The following FAM13C variants were observed in gnomAD, a reference collection of about 807,000 sequenced individuals.
The protein encoded by FAM13C is family with sequence similarity 13 member C.
A neutral mutation model predicts 73.2 loss-of-function variants in FAM13C; 37 were observed. That is an observed-to-expected ratio of 0.51 (90% CI 0.39 to 0.67). The LOEUF is 0.67. Ranked by LOEUF, FAM13C falls within the 30% of genes least tolerant of loss-of-function variation. FAM13C has a pLI of 0.00. For synonymous variants in FAM13C, 246 were observed against 260.9 expected, an observed-to-expected ratio of 0.94 and a Z score of 0.55; for missense variants, 589 against 715.6, an observed-to-expected ratio of 0.82 and a Z score of 2.02.
chr10:59,291,898 C>T (rs1846288437), intron 5 of FAM13C, among the ~76,000 whole-genome samples: 1 of 149,078 alleles, frequency 6.7e-6, no homozygotes, highest in Non-Finnish European at 1.5e-5. Flanking sequence ...ACGCCATTCT[C>T]CTGCCTCAGC....
chr10:59,342,569 G>T (rs1853651927), intron 3 of FAM13C, among the ~76,000 whole-genome samples: 4 of 152,080 alleles, frequency 2.6e-5, no homozygotes, highest in Admixed American at 2.0e-4. Flanking sequence ...ATTTACGTAA[G>T]TATACCCCAT....
chr10:59,351,982 C>T (rs768085818), intron 3 of FAM13C, among the ~76,000 whole-genome samples: 2 of 151,840 alleles, frequency 1.3e-5, no homozygotes, highest in East Asian at 1.9e-4. Context: ...GGGGATAGAA[C>T]GAAACTCTGT....
intron 6 of FAM13C, among the ~76,000 whole-genome samples, chr10:59,281,760 G>A (rs912636841): frequency 6.6e-6 from 1 of 152,148 alleles, no homozygotes; most frequent in African/African-American, 2.4e-5. Flanking sequence ...TAATTGTTGG[G>A]AAGACACATA....
In FAM13C at chr10:59,254,513, CAAAA is replaced by C. The variant is rs1271295584; in HGVS notation, c.1237-74_1237-71del. On this transcript the variant is annotated intron_variant, in intron 10 of 13. Transcript: ENST00000618804. The stretch of plus-strand genomic sequence containing the variant: ...TGAAAACGTCAACATTTTTAGCAGA[CAAAA>C]AGCCTCAAAGTAAAGGATTATAATA... The C allele has an allele frequency of 1.1e-5, 9 of 788,100 alleles. No homozygotes were observed. The East Asian group carries it at 2.3e-4, about 20-fold the overall frequency. The allele number at this position is 788,100 out of a possible 1,614,324, so 48.8% of individuals were successfully genotyped here.
chr10:59,313,478 C>T (rs1408552207), intron 4 of FAM13C, among the ~76,000 whole-genome samples: 2 of 152,180 alleles, frequency 1.3e-5, no homozygotes, highest in Non-Finnish European at 1.5e-5. Context: ...CCAACCATGA[C>T]TATTCATGGC....
chr10:59,277,591 G>A (rs1008175217), intron 6 of FAM13C, among the ~76,000 whole-genome samples: 9 of 152,136 alleles, frequency 5.9e-5, no homozygotes, highest in East Asian at 1.9e-4. Flanking sequence ...AGATGGATTC[G>A]ATCAGAGGAG....
chr10:59,283,788 A>C, intron 5 of FAM13C: 1 of 503,080 alleles, frequency 2.0e-6, no homozygotes, highest in Non-Finnish European at 3.6e-6. Context: ...TGGAGAACCA[A>C]TCTGAGAAGA....
chr10:59,246,672 A>G lies in FAM13C; in HGVS notation c.*942T>C, dbSNP rs974790427. The G allele has an allele frequency of 5.0e-6, 2 of 397,514 alleles. No individual in the cohort carries two copies. The highest frequency in any genetic ancestry group is 2.1e-5 in the African/African-American group (1 of 48,610). The allele number at this position is 397,514 out of a possible 1,614,324, so 24.6% of individuals were successfully genotyped here. A position where few individuals can be genotyped will look rare whatever the true frequency, so the allele number is the denominator to read the frequency against. ...AAGGTATCAGGGCAAACAATTTCCA[A>G]ACTTTTCATTTTGTACAGAAGGATG... is the stretch of plus-strand genomic sequence containing the variant. On this transcript the variant is annotated 3_prime_UTR_variant, in exon 14 of 14. Coordinates refer to ENST00000618804, the MANE Select transcript of FAM13C (RefSeq NM_198215.4).
chr10:59,310,478 G>A (rs149455660), intron 4 of FAM13C, among the ~76,000 whole-genome samples: 16 of 151,978 alleles, frequency 1.1e-4, no homozygotes, highest in African/African-American at 3.9e-4. Flanking sequence ...CTAGAGAGTC[G>A]AAGCCACATT....
At chr10:59,321,036 A>G (rs1162719063) in intron 4 of FAM13C, among the ~76,000 whole-genome samples, 2 of 152,122 alleles carry the variant, frequency 1.3e-5, no homozygotes, top group Non-Finnish European at 2.9e-5. Flanking sequence ...TGTTTTAGAG[A>G]TTTTCACTAG....
At chr10:59,281,851 T>C (rs1435008179) in intron 6 of FAM13C, among the ~76,000 whole-genome samples, 1 of 152,210 alleles carries the variant, frequency 6.6e-6, no homozygotes, top group Non-Finnish European at 1.5e-5. Context: ...GTCAGAAACT[T>C]GTATAGTTAA....
At chr10:59,272,052 C>T (rs555978791) in intron 6 of FAM13C, among the ~76,000 whole-genome samples, 10 of 152,188 alleles carry the variant, frequency 6.6e-5, no homozygotes, top group Admixed American at 3.9e-4. Context: ...TTTCTGGAAC[C>T]CATAGAGTCC....
In FAM13C at chr10:59,318,005, C is replaced by T. The variant is rs73299209; in HGVS notation, c.443+5983G>A. ...CAGAAGCCCCTTTCATACACAATTT[C>T]TCTTTATAACGTTAAAACAATAGCA... On this transcript the variant is annotated intron_variant, in intron 4 of 13. Coordinates refer to ENST00000618804, the MANE Select transcript of FAM13C (RefSeq NM_198215.4). Among the ~76,000 whole-genome samples the T allele has an allele frequency of 8.3e-3, 1,241 of 150,352 alleles. 26 individuals are homozygous for T. Among genetic ancestry groups the T allele is most frequent in the African/African-American group, 0.029 (1,192 of 40,862 alleles).
chr10:59,303,607 T>A (rs1847853797), intron 4 of FAM13C, among the ~76,000 whole-genome samples: 1 of 152,178 alleles, frequency 6.6e-6, no homozygotes, highest in Admixed American at 6.5e-5. Context: ...CATGGTGCAA[T>A]GGTTTGGATG....
intron 3 of FAM13C, among the ~76,000 whole-genome samples, chr10:59,350,311 C>A (rs1300257633): frequency 6.6e-6 from 1 of 152,156 alleles, no homozygotes; most frequent in East Asian, 1.9e-4. Context: ...CACCTTATTA[C>A]AAGTGACAAC....
At chr10:59,296,379 G>C (rs559323817) in intron 5 of FAM13C, among the ~76,000 whole-genome samples, 1 of 152,192 alleles carries the variant, frequency 6.6e-6, no homozygotes, top group South Asian at 2.1e-4. Context: ...ACATATTAAA[G>C]GATTCTTCAT....
intron 5 of FAM13C, among the ~76,000 whole-genome samples, chr10:59,284,428 C>A (rs1330843451): frequency 6.6e-6 from 1 of 151,882 alleles, no homozygotes; most frequent in Non-Finnish European, 1.5e-5. Flanking sequence ...GCACCGGGAG[C>A]AGAGCCACTG....
chr10:59,342,172 G>A (rs2134184292), intron 3 of FAM13C, among the ~76,000 whole-genome samples: 1 of 152,222 alleles, frequency 6.6e-6, no homozygotes, highest in South Asian at 2.1e-4. Flanking sequence ...TTTGAGGGCA[G>A]ATTTTCAAAC....
intron 5 of FAM13C, among the ~76,000 whole-genome samples, chr10:59,291,999 A>G (rs918284267): frequency 2.0e-5 from 3 of 152,066 alleles, no homozygotes; most frequent in Non-Finnish European, 4.4e-5. Context: ...CATATTAGCC[A>G]GGATGGTCTC....
Sources: gnomAD v4.1 joint callset for allele counts (sites outside exome capture counted in the v4.1 genomes callset) on GRCh38, gnomAD v4.1.1 for gene constraint, MANE v1.5 for transcripts, NCBI Gene and HGNC (gene_info 2026-07-23, HGNC 2026-07-21) for gene names.